IGF2BP3: variants seen among roughly 807,000 people sequenced by gnomAD.
The protein encoded by IGF2BP3 is insulin like growth factor 2 mRNA binding protein 3.
Under a neutral mutation model 73.8 loss-of-function variants are expected in IGF2BP3, and 9 were observed. The observed-to-expected ratio is 0.12, with a 90% CI of 0.07 to 0.21. The LOEUF is 0.21. IGF2BP3 is among the 10% of genes least tolerant of loss of function. The pLI, the probability that IGF2BP3 is intolerant of heterozygous loss-of-function variation, is 1.00. For missense variants in IGF2BP3, 542 were observed against 714.0 expected (o/e 0.76, Z 2.75); for synonymous variants, 258 against 256.7 (o/e 1.01, Z -0.05).
chr7:23,448,916 G>C (rs1388860493), intron 2 of IGF2BP3, among the ~76,000 whole-genome samples: 1 of 152,060 alleles, frequency 6.6e-6, no homozygotes, highest in African/African-American at 2.4e-5. Context: ...ACAGGCATGA[G>C]CCACTGCATC....
chr7:23,375,233 C>A (rs368187685), intron 3 of IGF2BP3, among the ~76,000 whole-genome samples: 3 of 151,908 alleles, frequency 2.0e-5, no homozygotes, highest in South Asian at 4.2e-4. Flanking sequence ...ATCTTGCTAC[C>A]CTCCCCCACC....
At chr7:23,346,548 G>A (rs1784831742) in intron 7 of IGF2BP3, among the ~76,000 whole-genome samples, 1 of 151,514 alleles carries the variant, frequency 6.6e-6, no homozygotes, top group African/African-American at 2.4e-5. Flanking sequence ...ATATAAAACT[G>A]TTTAAAATGT....
intron 3 of IGF2BP3, among the ~76,000 whole-genome samples, chr7:23,367,755 C>G (rs1459756198): frequency 6.6e-6 from 1 of 152,024 alleles, no homozygotes; most frequent in Admixed American, 6.5e-5. Flanking sequence ...AATCCCAGCA[C>G]TTTGGGTGGC....
intron 3 of IGF2BP3, among the ~76,000 whole-genome samples, chr7:23,391,046 G>A (rs538569142): frequency 3.1e-4 from 47 of 150,100 alleles, no homozygotes; most frequent in South Asian, 8.4e-4. Context: ...TGATCTGCCC[G>A]TCTCGGCCTC....
chr7:23,448,298 G>A (rs1788112328), intron 2 of IGF2BP3, among the ~76,000 whole-genome samples: 1 of 152,248 alleles, frequency 6.6e-6, no homozygotes, highest in South Asian at 2.1e-4. Flanking sequence ...GTTCATTTCA[G>A]TTTGAAGAAC....
At chr7:23,340,079 T>A (rs1784670033) in intron 10 of IGF2BP3, among the ~76,000 whole-genome samples, 1 of 151,898 alleles carries the variant, frequency 6.6e-6, no homozygotes, top group Non-Finnish European at 1.5e-5. Context: ...AGCCAAGGAG[T>A]CTGACCTTCA....
intron 10 of IGF2BP3, among the ~76,000 whole-genome samples, chr7:23,321,722 C>T (rs543460837): frequency 1.3e-5 from 2 of 152,216 alleles, no homozygotes; most frequent in Non-Finnish European, 2.9e-5. Context: ...ACAGCTAGAG[C>T]TCTGAGAACG....
chr7:23,320,067 C>A (rs1377042521), intron 10 of IGF2BP3, among the ~76,000 whole-genome samples: 1 of 151,794 alleles, frequency 6.6e-6, no homozygotes, highest in East Asian at 2.0e-4. Context: ...CTTGTCACCA[C>A]ACCCGGCTAA....
intron 3 of IGF2BP3, among the ~76,000 whole-genome samples, chr7:23,383,524 C>T (rs546413338): frequency 2.6e-4 from 39 of 152,210 alleles, no homozygotes; most frequent in African/African-American, 6.0e-4. Flanking sequence ...CATCTTATAC[C>T]GCTGGCAAGA....
intron 10 of IGF2BP3, among the ~76,000 whole-genome samples, chr7:23,340,429 A>T (rs1431192353): frequency 6.6e-6 from 1 of 152,204 alleles, no homozygotes; most frequent in African/African-American, 2.4e-5. Flanking sequence ...TTCATTTTTA[A>T]AAGGATAAAA....
chr7:23,382,858 G>A lies in IGF2BP3; in HGVS notation c.286-21117C>T, dbSNP rs1164640508. ...GATTTGCTGGAGCCTAGGAGTTTGAGACCATCCTGGGCAATACAGAAAAAC... is the reference window on the plus strand; with the variant it reads ...GATTTGCTGGAGCCTAGGAGTTTGAAACCATCCTGGGCAATACAGAAAAAC... On this transcript the variant is annotated intron_variant, in intron 3 of 14. Transcript: ENST00000258729. Among the ~76,000 whole-genome samples, 7 of 116,180 alleles carry A rather than the reference G, an allele frequency of 6.0e-5. 1 individual carries two copies. In the Admixed American group the frequency reaches 8.4e-4, roughly 14 times the overall value. The allele number at this position is 116,180 out of a possible 152,430, so 76.2% of individuals were successfully genotyped here.
chr7:23,406,272 C>T (rs944127702), intron 3 of IGF2BP3, among the ~76,000 whole-genome samples: 4 of 152,060 alleles, frequency 2.6e-5, no homozygotes, highest in South Asian at 4.2e-4. Flanking sequence ...TGCACAACCA[C>T]GCAAGGTATC....
intron 3 of IGF2BP3, among the ~76,000 whole-genome samples, chr7:23,386,297 T>G (rs1024528306): frequency 6.6e-6 from 1 of 152,044 alleles, no homozygotes; most frequent in Non-Finnish European, 1.5e-5. Context: ...CATTCTCCAA[T>G]AAAAGGAACC....
At chr7:23,337,521 T>G (rs1168846407) in intron 10 of IGF2BP3, among the ~76,000 whole-genome samples, 2 of 152,202 alleles carry the variant, frequency 1.3e-5, no homozygotes, top group Non-Finnish European at 2.9e-5. Flanking sequence ...GTATTTTCCT[T>G]TAGTAACAGA....
chr7:23,376,065 T>C (rs148486221), intron 3 of IGF2BP3, among the ~76,000 whole-genome samples: 2 of 152,244 alleles, frequency 1.3e-5, no homozygotes, highest in Non-Finnish European at 2.9e-5. Context: ...AAACACATGA[T>C]TTGGTAAAAC....
intron 2 of IGF2BP3, among the ~76,000 whole-genome samples, chr7:23,457,717 C>T (rs1345540426): frequency 6.6e-6 from 1 of 152,160 alleles, no homozygotes; most frequent in Non-Finnish European, 1.5e-5. Flanking sequence ...TGGACACATG[C>T]ATAGAGCTTC....
At chr7:23,432,622 T>C (rs1385611566) in intron 2 of IGF2BP3, among the ~76,000 whole-genome samples, 1 of 151,930 alleles carries the variant, frequency 6.6e-6, no homozygotes. Context: ...ACTAAGTAAA[T>C]GTGCTTCATT....
intron 3 of IGF2BP3, among the ~76,000 whole-genome samples, chr7:23,375,854 ACAAGAATTAGTCCTTCAGGTGTG>A (rs1388274104): frequency 6.6e-6 from 1 of 152,206 alleles, no homozygotes; most frequent in Non-Finnish European, 1.5e-5. Context: ...AATGTTTCCT[ACAAGAATTAGTCCTTCAGGTGTG>A]CAGCAGTTAT....
At chr7:23,388,579 G>A (rs987384516) in intron 3 of IGF2BP3, among the ~76,000 whole-genome samples, 2 of 140,194 alleles carry the variant, frequency 1.4e-5, no homozygotes, top group African/African-American at 5.2e-5. Context: ...CGTAATGTTT[G>A]TTTATGCAGA....
Sources: gnomAD v4.1 joint callset for allele counts (sites outside exome capture counted in the v4.1 genomes callset) on GRCh38, gnomAD v4.1.1 for gene constraint, MANE v1.5 for transcripts, NCBI Gene and HGNC (gene_info 2026-07-23, HGNC 2026-07-21) for gene names.